Variants in ADPGK observed in about 807,000 individuals in gnomAD.
ADPGK encodes the protein ADP dependent glucokinase, also known as ADP-dependent glucokinase.
ADPGK carries 26 observed loss-of-function variants against 42.4 expected under a neutral mutation model. The ratio of observed to expected loss-of-function variants is 0.61; its 90% confidence interval spans 0.45 to 0.85. The LOEUF (loss-of-function observed/expected upper bound fraction) is 0.85, where lower values mean the gene tolerates loss of function less well. Ranked by LOEUF, ADPGK falls within the 40% of genes least tolerant of loss-of-function variation. ADPGK has a pLI of 0.00. For synonymous variants in ADPGK, 267 were observed against 252.6 expected (o/e 1.06, Z -0.54); for missense variants, 571 against 627.0 (o/e 0.91, Z 0.95).
intron 3 of ADPGK, among the ~76,000 whole-genome samples, chr15:72,762,165 T>C (rs1423718839): frequency 6.6e-6 from 1 of 152,082 alleles, no homozygotes; most frequent in Non-Finnish European, 1.5e-5. Context: ...CCACCGCGCC[T>C]GGCCTAATTT....
At chr15:72,781,774 C>A (rs1014218196) in intron 1 of ADPGK, among the ~76,000 whole-genome samples, 1 of 152,166 alleles carries the variant, frequency 6.6e-6, no homozygotes, top group African/African-American at 2.4e-5. Flanking sequence ...ATTGTCCACC[C>A]CCCACCAATT....
intron 1 of ADPGK, among the ~76,000 whole-genome samples, chr15:72,781,039 C>CA (rs2066451696): frequency 6.6e-6 from 1 of 152,152 alleles, no homozygotes; most frequent in Non-Finnish European, 1.5e-5. Context: ...GTCTGTGTGA[C>CA]AGAGAGTGTG....
intron 6 of ADPGK, 34 bp from the exon 7 acceptor site, chr15:72,752,929 G>T: frequency 6.4e-7 from 1 of 1,566,952 alleles, no homozygotes. Flanking sequence ...CTTTCTGATG[G>T]AGATAACCTG....
Position 72,783,514 on chromosome 15 carries a change from C to A in ADPGK, c.178G>T (p.Ala60Ser). 10 of 1,473,562 alleles carry A rather than the reference C, an allele frequency of 6.8e-6. No individual in the cohort carries two copies. Among genetic ancestry groups the A allele is most frequent in the Non-Finnish European group, 8.9e-6 (10 of 1,119,362 alleles). 91.3% of individuals were successfully genotyped at this position (1,473,562 alleles called of 1,614,324 possible). The stretch of plus-strand genomic sequence containing the variant: ...GGCCGCACGATAAGCGCGTCCCAGG[C>A]TGCCGCCAACCGGCCCTCGGGGGAG... ...PVSPEGRLAA[A>S]WDALIVRPVR... The change falls in exon 1 of 7, where the codon GCC (alanine) becomes TCC (serine). Residue 60 changes from alanine to serine, a missense_variant. Around this residue, in one of 2 missense-constraint regions of ADPGK, gnomAD observed 137 missense variants for 104.2 expected, o/e 1.31. Coordinates refer to ENST00000456471, the MANE Select transcript of ADPGK (RefSeq NM_001365225.1).
chr15:72,755,255 A>T (rs1235255638), intron 6 of ADPGK, among the ~76,000 whole-genome samples: 1 of 152,244 alleles, frequency 6.6e-6, no homozygotes, highest in Non-Finnish European at 1.5e-5. Context: ...AGTTCAACTG[A>T]AAGCAGCTGA....
At chr15:72,782,184 A>T (rs1406002076) in intron 1 of ADPGK, among the ~76,000 whole-genome samples, 1 of 152,202 alleles carries the variant, frequency 6.6e-6, no homozygotes, top group Non-Finnish European at 1.5e-5. Context: ...AGAACCTAGC[A>T]CAGACCTGAC....
At position 72,774,893 on chromosome 15, in the gene ADPGK, T is replaced by C. The variant is rs11634630; in HGVS notation, c.438A>G (p.Ala146=). 0.99 allele frequency: 1,601,553 copies of C among 1,612,970 alleles called. 795,782 individuals are homozygous for C. Among genetic ancestry groups the C allele is most frequent in the Non-Finnish European group, 1 (1,178,803 of 1,179,004 alleles). ...KETFHDIAQV[A]SEFPGAQHYV... is the part of the protein sequence containing the mutation. ...AGACCTGGGCTCCTGGGAACTCTGA[T>C]GCAACCTGGGCAATGTCGTGAAAAG... The change falls in exon 2 of 7, where the codon GCA becomes GCG. Residue 146 remains alanine, a synonymous_variant. Transcript: ENST00000456471.
At chr15:72,752,943 C>T (rs2151066873) in intron 6 of ADPGK, 48 bp from the exon 7 acceptor site, 2 of 1,532,790 alleles carry the variant, frequency 1.3e-6, no homozygotes, top group Non-Finnish European at 1.8e-6. Context: ...TAACCTGGCT[C>T]CTAAGATGTC....
At position 72,775,101 on chromosome 15, in the gene ADPGK, G is replaced by A. The variant is rs765152120; in HGVS notation, c.234-4C>T. 1.2e-6 allele frequency: 2 copies of A among 1,613,094 alleles called. No homozygotes were observed. The highest frequency in any genetic ancestry group is 1.7e-6 in the Non-Finnish European group (2 of 1,179,320). On this transcript the variant is annotated splice_region_variant and splice_polypyrimidine_tract_variant and intron_variant, in intron 1 of 6. Coordinates refer to ENST00000456471, the MANE Select transcript of ADPGK (RefSeq NM_001365225.1). ...CACATCAACACATGCATTGACTCTAGAAGGAGGAAAAAAACTGTGTGAAAG... is the reference window on the plus strand; with the variant it reads ...CACATCAACACATGCATTGACTCTAAAAGGAGGAAAAAAACTGTGTGAAAG...
In ADPGK at chr15:72,764,045, T is replaced by C. The variant is rs150544193; in HGVS notation, c.523-3518A>G. Among the ~76,000 whole-genome samples the C allele has an allele frequency of 2.6e-5, 4 of 152,278 alleles. No homozygotes were observed. In the South Asian group the frequency reaches 6.2e-4, roughly 24 times the overall value. On this transcript the variant is annotated intron_variant, in intron 3 of 6. Coordinates refer to ENST00000456471, the MANE Select transcript of ADPGK (RefSeq NM_001365225.1). ...CTCTCCTTGGGCCTCACTAATTTCC[T>C]GAGACATAACAATATTGAAATTAGG... is the stretch of plus-strand genomic sequence containing the variant.
chr15:72,764,842 T>C (rs1362604951), intron 3 of ADPGK, among the ~76,000 whole-genome samples: 1 of 152,140 alleles, frequency 6.6e-6, no homozygotes, highest in Admixed American at 6.5e-5. Flanking sequence ...TTGAAGCCAA[T>C]GCTCACTGAC....
intron 1 of ADPGK, among the ~76,000 whole-genome samples, chr15:72,781,563 C>T (rs1175881331): frequency 6.6e-6 from 1 of 152,214 alleles, no homozygotes; most frequent in African/African-American, 2.4e-5. Context: ...ATGCCCCATT[C>T]CAAATGTTCT....
chr15:72,760,046 T>C (rs1395908547), intron 4 of ADPGK, among the ~76,000 whole-genome samples: 2 of 152,050 alleles, frequency 1.3e-5, no homozygotes, highest in African/African-American at 4.8e-5. Flanking sequence ...CAGCACAGAG[T>C]TGAATGGATG....
In ADPGK at chr15:72,783,656, G is replaced by A. The variant is rs752920218; in HGVS notation, c.36C>T (p.Phe12=). 3 of 1,508,032 alleles carry A rather than the reference G, an allele frequency of 2.0e-6. No homozygotes were observed. Among genetic ancestry groups the A allele is most frequent in the African/African-American group, 1.4e-5 (1 of 69,284 alleles). 93.4% of individuals were successfully genotyped at this position (1,508,032 alleles called of 1,614,324 possible). A position where few individuals can be genotyped will look rare whatever the true frequency, so the allele number is the denominator to read the frequency against. ...AGACGCAGCCCACGGCCAGCGCCAG[G>A]AAGCCCGCGTACGCGGAGCCGCGCC... The part of the protein sequence containing the change: ...ALWRGSAYAG[F]LALAVGCVFL... Residue 12 remains phenylalanine, a synonymous_variant, in exon 1 of 7, where the codon TTC becomes TTT. Transcript: ENST00000456471.
chr15:72,783,445 C>T lies in ADPGK; in HGVS notation c.233+14G>A. 1.5e-6 allele frequency: 2 copies of T among 1,353,786 alleles called. No homozygotes were observed. The highest frequency in any genetic ancestry group is 1.9e-6 in the Non-Finnish European group (2 of 1,058,428). 83.9% of individuals were successfully genotyped at this position (1,353,786 alleles called of 1,614,324 possible). A position where few individuals can be genotyped will look rare whatever the true frequency, so the allele number is the denominator to read the frequency against. On this transcript the variant is annotated intron_variant, in intron 1 of 6. Transcript: ENST00000456471. ...CCTCGGAGGCTCAGAGACCCAGGCCCCGTTGGCACTCACCCCACTGCCACG... is the reference window on the plus strand; with the variant it reads ...CCTCGGAGGCTCAGAGACCCAGGCCTCGTTGGCACTCACCCCACTGCCACG...
rs5813692 is a variant in ADPGK at position 72,782,527 on chromosome 15, C to CAAAAAAA, written c.233+925_233+931dup. Among the ~76,000 whole-genome samples the CAAAAAAA allele has an allele frequency of 1.2e-3, 76 of 61,258 alleles. 1 individual carries two copies. The highest frequency in any genetic ancestry group is 4.8e-3 in the African/African-American group (69 of 14,510). 40.2% of individuals were successfully genotyped at this position (61,258 alleles called of 152,430 possible). On this transcript the variant is annotated intron_variant, in intron 1 of 6. Transcript: ENST00000456471. ...GCGACAGAGAGAGAGACCCTGTGTC[C>CAAAAAAA]AAAAAAAAAAAAAAAAAAAAACCCC...
chr15:72,777,353 G>T (rs1168210060), intron 1 of ADPGK, among the ~76,000 whole-genome samples: 1 of 152,144 alleles, frequency 6.6e-6, no homozygotes, highest in Non-Finnish European at 1.5e-5. Context: ...GAAGAGTAAA[G>T]GTTCAGAAAT....
chr15:72,761,580 T>C (rs1200178058), intron 3 of ADPGK, among the ~76,000 whole-genome samples: 1 of 152,080 alleles, frequency 6.6e-6, no homozygotes, highest in Non-Finnish European at 1.5e-5. Flanking sequence ...TCAACTCCAA[T>C]AAACCGCTGT....
rs113980353 is a variant in ADPGK, at chr15:72,776,992, A to C, written c.234-1895T>G. ...GATTTCTAGTAAAGAAACACTGAAA[A>C]TATAAGCCAGAACTTCTCCATGACA... On this transcript the variant is annotated intron_variant, in intron 1 of 6. Transcript: ENST00000456471. Among the ~76,000 whole-genome samples, 406 of 152,338 alleles carry C rather than the reference A, an allele frequency of 2.7e-3. 4 individuals carry two copies. Among genetic ancestry groups the C allele is most frequent in the African/African-American group, 9.3e-3 (385 of 41,564 alleles).
Sources: gnomAD v4.1 joint callset for allele counts (sites outside exome capture counted in the v4.1 genomes callset) on GRCh38, gnomAD v4.1.1 for gene constraint, gnomAD v4.1.1 regional missense constraint, MANE v1.5 for transcripts, NCBI Gene and HGNC (gene_info 2026-07-23, HGNC 2026-07-21) for gene names.